The following RASA1 variants were observed in gnomAD, a reference collection of about 807,000 sequenced individuals.
RASA1 encodes the protein RAS p21 protein activator 1.
Under a neutral mutation model 132.2 loss-of-function variants are expected in RASA1, and 25 were observed. The observed-to-expected ratio is 0.19, with a 90% CI of 0.14 to 0.26. The LOEUF (loss-of-function observed/expected upper bound fraction) is 0.26, where lower values mean the gene tolerates loss of function less well. RASA1 is among the 10% of genes least tolerant of loss of function. The pLI, the probability that RASA1 is intolerant of heterozygous loss-of-function variation, is 1.00. For synonymous variants in RASA1, 477 were observed against 449.9 expected (o/e 1.06, Z -0.76); for missense variants, 964 against 1,299.2 (o/e 0.74, Z 3.97).
intron 4 of RASA1, 113 bp downstream of exon 4, chr5:87,333,450 T>C (rs1284689052): frequency 1.3e-6 from 2 of 1,484,872 alleles, no homozygotes; most frequent in Non-Finnish European, 9.1e-7. Flanking sequence ...TACAGCAAGG[T>C]GAAAGAGCTT....
At chr5:87,372,216 AT>A in intron 13 of RASA1, 21 bp downstream of exon 13, 2 of 1,603,480 alleles carry the variant, frequency 1.2e-6, no homozygotes, top group Non-Finnish European at 1.7e-6. Context: ...ATTTTCTTGG[AT>A]TTTTAATTGT....
intron 1 of RASA1, among the ~76,000 whole-genome samples, chr5:87,283,931 A>T (rs1754431034): frequency 6.6e-6 from 1 of 152,152 alleles, no homozygotes; most frequent in Non-Finnish European, 1.5e-5. Flanking sequence ...ACTTGCATGC[A>T]TTCTGGAGGT....
chr5:87,385,309 T>C lies in RASA1; in HGVS notation c.2767T>C (p.Ser923Pro), dbSNP rs767261991. 2 of 1,606,260 alleles carry C rather than the reference T, an allele frequency of 1.2e-6. No individual in the cohort carries two copies. Among genetic ancestry groups the C allele is most frequent in the East Asian group, 2.2e-5 (1 of 44,774 alleles). ...RMFNIISDSP[S>P]PIAARTLILV... ...GCCCAATTCTGTTACAGATTCTCCA[T>C]CTCCTATTGCTGCAAGAACACTGAT... The change falls in exon 22 of 25, where the codon TCT becomes CCT. Residue 923 changes from serine to proline, a missense_variant. Transcript: ENST00000274376.
intron 1 of RASA1, among the ~76,000 whole-genome samples, chr5:87,303,077 T>G (rs1163314078): frequency 6.6e-6 from 1 of 152,212 alleles, no homozygotes; most frequent in Admixed American, 6.5e-5. Context: ...CTCATATTTT[T>G]CATACATGTG....
chr5:87,269,258 C>T (rs1383721664), intron 1 of RASA1: 4 of 1,539,336 alleles, frequency 2.6e-6, no homozygotes, highest in South Asian at 1.2e-5. Flanking sequence ...TAATGAGAAC[C>T]GGATATAGTT....
intron 12 of RASA1, 121 bp downstream of exon 12, chr5:87,370,021 C>G: frequency 1.2e-6 from 1 of 859,972 alleles, no homozygotes; most frequent in East Asian, 2.7e-5. Flanking sequence ...ATCTAATCAT[C>G]TCTTATTTTA....
intron 17 of RASA1, among the ~76,000 whole-genome samples, chr5:87,377,994 A>G (rs1461682124): frequency 1.3e-5 from 2 of 152,226 alleles, no homozygotes; most frequent in East Asian, 1.9e-4. Flanking sequence ...AAATTAATCT[A>G]TACTGGGATT....
At chr5:87,388,253 C>T (rs1005080292) in intron 23 of RASA1, among the ~76,000 whole-genome samples, 18 of 152,138 alleles carry the variant, frequency 1.2e-4, no homozygotes, top group Admixed American at 9.2e-4. Flanking sequence ...AACTGTGTTT[C>T]TCTGTCCCAT....
intron 1 of RASA1, among the ~76,000 whole-genome samples, chr5:87,298,631 G>GT (rs921950364): frequency 1.4e-4 from 21 of 151,606 alleles, no homozygotes; most frequent in Admixed American, 1.1e-3. Flanking sequence ...ATTTGATAAT[G>GT]TTTTTTTATT....
chr5:87,324,863 G>GA (rs945682397), intron 1 of RASA1, among the ~76,000 whole-genome samples: 6 of 151,292 alleles, frequency 4.0e-5, no homozygotes, highest in Admixed American at 6.6e-5. Context: ...ATAGTGATTT[G>GA]AAAAAAAAGG....
chr5:87,330,964 T>C, intron 1 of RASA1: 1 of 1,435,872 alleles, frequency 7.0e-7, no homozygotes, highest in Non-Finnish European at 9.1e-7. Flanking sequence ...GAAGTCATGG[T>C]TCCTCAGTAT....
intron 7 of RASA1, among the ~76,000 whole-genome samples, chr5:87,348,475 A>C (rs1239555826): frequency 3.0e-4 from 46 of 152,014 alleles, no homozygotes; most frequent in Admixed American, 3.0e-3. Context: ...GTCATATTTA[A>C]TATATGATAA....
chr5:87,389,440 G>C lies in RASA1; in HGVS notation c.2973G>C (p.Leu991=). The C allele has an allele frequency of 6.2e-7, 1 of 1,614,156 alleles. No individual in the cohort carries two copies. The highest frequency in any genetic ancestry group is 8.5e-7 in the Non-Finnish European group (1 of 1,179,986). The change falls in exon 24 of 25, where the codon CTG becomes CTC. Residue 991 remains leucine (L), a synonymous_variant. Transcript: ENST00000274376. Reference sequence around the variant, plus strand: ...CTACAGAGCATTCTAGAACGGACCTGTCCCGTGATTTAGCAGCATTGCATG... The same window carrying C: ...CTACAGAGCATTCTAGAACGGACCTCTCCCGTGATTTAGCAGCATTGCATG... The part of the protein sequence containing the change: ...PDTTEHSRTD[L]SRDLAALHEI...
At chr5:87,374,728 TG>T (rs2112486498) in intron 14 of RASA1, 111 bp from the exon 15 acceptor site, 1 of 1,426,020 alleles carries the variant, frequency 7.0e-7, no homozygotes, top group South Asian at 1.2e-5. Context: ...TCTAGCACAC[TG>T]TTTTTTTTTT....
intron 1 of RASA1, among the ~76,000 whole-genome samples, chr5:87,322,667 A>T (rs948543387): frequency 6.6e-6 from 1 of 152,230 alleles, no homozygotes; most frequent in Non-Finnish European, 1.5e-5. Context: ...ATAGTCCTGC[A>T]GAACCATGAG....
chr5:87,390,794 G>C lies in RASA1; in HGVS notation c.3061-6G>C, dbSNP rs1762458612. The C allele has an allele frequency of 6.2e-7, 1 of 1,607,614 alleles. No individual in the cohort carries two copies. The highest frequency in any genetic ancestry group is 1.7e-5 in the Admixed American group (1 of 59,954). The stretch of plus-strand genomic sequence containing the variant: ...TTTATTTTCATACCATTTTTCCTCT[G>C]TCTAGCACGTATTGAAAAAGCTTCT... On this transcript the variant is annotated splice_region_variant and splice_polypyrimidine_tract_variant and intron_variant, in intron 24 of 24. Coordinates refer to ENST00000274376, the MANE Select transcript of RASA1 (RefSeq NM_002890.3).
At chr5:87,357,620 G>A (rs1173173625) in intron 9 of RASA1, among the ~76,000 whole-genome samples, 1 of 152,028 alleles carries the variant, frequency 6.6e-6, no homozygotes, top group Non-Finnish European at 1.5e-5. Context: ...CAGGAGAATC[G>A]CTTGAACCTG....
At chr5:87,390,217 C>T (rs1429469051) in intron 24 of RASA1, among the ~76,000 whole-genome samples, 2 of 152,158 alleles carry the variant, frequency 1.3e-5, no homozygotes, top group African/African-American at 4.8e-5. Flanking sequence ...CTTTGAATGT[C>T]CTCAGCTGAC....
intron 1 of RASA1, among the ~76,000 whole-genome samples, chr5:87,270,232 ACT>A (rs1753764482): frequency 7.1e-6 from 1 of 141,682 alleles, no homozygotes; most frequent in African/African-American, 2.7e-5. Context: ...ACAGAGCGAG[ACT>A]CTGTCTCAAA....
Sources: allele counts gnomAD v4.1 joint callset (sites outside exome capture counted in the v4.1 genomes callset), GRCh38; gene constraint gnomAD v4.1.1; transcripts MANE v1.5; gene names NCBI Gene and HGNC (gene_info 2026-07-23, HGNC 2026-07-21).